Variants in PCNT observed in about 807,000 individuals in gnomAD.
PCNT encodes kendrin.
PCNT carries 319 observed loss-of-function variants against 380.4 expected under a neutral mutation model. The observed-to-expected ratio is 0.84, with a 90% CI of 0.77 to 0.92. The LOEUF (loss-of-function observed/expected upper bound fraction) is 0.92. Among genes scored for constraint, PCNT ranks in the 40% least tolerant of loss-of-function variants. The probability of loss-of-function intolerance (pLI) is 0.00; values close to 1 mark genes in which losing one functional copy is unlikely to be tolerated. For synonymous variants in PCNT, 1,845 were observed against 1,735.2 expected, an observed-to-expected ratio of 1.06 and a Z score of -1.57; for missense variants, 4,400 against 4,255.3, an observed-to-expected ratio of 1.03 and a Z score of -0.95.
chr21:46,438,572 C>T (rs191797548), intron 41 of PCNT, among the ~76,000 whole-genome samples: 201 of 152,302 alleles, frequency 1.3e-3, no homozygotes, highest in Admixed American at 4.0e-3. Flanking sequence ...CTGACCCTGA[C>T]CGCTACTTGA....
At chr21:46,437,874 C>T (rs373306152) in intron 40 of PCNT, among the ~76,000 whole-genome samples, 6 of 152,270 alleles carry the variant, frequency 3.9e-5, no homozygotes, top group East Asian at 3.9e-4. Context: ...GCTTCACATC[C>T]GCCCCCTTGG....
chr21:46,330,734 AATG>A (rs1276724359), intron 2 of PCNT, among the ~76,000 whole-genome samples: 1 of 152,246 alleles, frequency 6.6e-6, no homozygotes, highest in Non-Finnish European at 1.5e-5. Flanking sequence ...TGTTCAAAAT[AATG>A]ATCTTCTGAA....
At position 46,430,550 on chromosome 21, in the gene PCNT, C is replaced by A; in HGVS notation, c.7957C>A (p.Gln2653Lys). ...GGAGAACGAGCTGAAGGCCGCGCTTCAGGAGCTGGAGAGTGAGCAGGGGAA... is the reference window on the plus strand; with the variant it reads ...GGAGAACGAGCTGAAGGCCGCGCTTAAGGAGCTGGAGAGTGAGCAGGGGAA... ...SKENELKAAL[Q>K]ELESEQGKGR... is the part of the protein sequence containing the mutation. The change falls in exon 37 of 47, where the codon CAG becomes AAG. Residue 2653 changes from glutamine (Q) to lysine (K), a missense_variant. By Grantham distance (53) the Gln-to-Lys change is moderately conservative (BLOSUM62 1). Coordinates refer to ENST00000359568, the MANE Select transcript of PCNT (RefSeq NM_006031.6). The A allele has an allele frequency of 6.4e-7, 1 of 1,556,724 alleles. No individual in the cohort carries two copies. The highest frequency in any genetic ancestry group is 8.7e-7 in the Non-Finnish European group (1 of 1,150,582).
rs548751448 is a variant in PCNT, at chr21:46,341,028, C to T, written c.640-5100C>T. On this transcript the variant is annotated intron_variant, in intron 3 of 46. Coordinates refer to ENST00000359568, the MANE Select transcript of PCNT (RefSeq NM_006031.6). ...CCTCCTGAGTAGCTGGAATTACAGA[C>T]GTGTGCCACCATATCCGGCTGATTT... Among the ~76,000 whole-genome samples, 56 of 151,792 alleles carry T rather than the reference C, an allele frequency of 3.7e-4. No homozygotes were observed. The South Asian group carries it at 0.011, about 29-fold the overall frequency.
intron 16 of PCNT, among the ~76,000 whole-genome samples, chr21:46,382,137 A>C (rs531704711): frequency 6.9e-6 from 1 of 145,670 alleles, no homozygotes; most frequent in South Asian, 2.4e-4. Flanking sequence ...GGTGTTGTGC[A>C]TTCAGTGGCG....
Position 46,411,921 on chromosome 21 carries a change from C to T in PCNT, c.5848C>T (p.Arg1950Trp), listed in dbSNP as rs765903758. The T allele has an allele frequency of 8.5e-5, 135 of 1,589,138 alleles. No individual in the cohort carries two copies. Among genetic ancestry groups the T allele is most frequent in the Non-Finnish European group, 1.1e-4 (127 of 1,175,868 alleles). Residue 1950 changes from arginine (R) to tryptophan (W), a missense_variant, in exon 28 of 47, where the codon CGG becomes TGG. Coordinates refer to ENST00000359568, the MANE Select transcript of PCNT (RefSeq NM_006031.6). The part of the protein sequence containing the change: ...FLRCQVELDR[R>W]QARRATAHTR... ...GAGGTGCCAGGTGGAGCTGGACAGG[C>T]GGCAGGCCCGCAGAGCCACAGCTCA...
chr21:46,363,434 C>G lies in PCNT; in HGVS notation c.2155-46C>G, dbSNP rs371073144. On this transcript the variant is annotated intron_variant, in intron 13 of 46. Transcript: ENST00000359568. ...TTTGGGTTGTCTCTTCTAATAATCT[C>G]TTCCATTAGCGTCTTTCCTCCTAAA... The G allele has an allele frequency of 5.0e-4, 747 of 1,493,948 alleles. 1 individual carries two copies. The highest frequency in any genetic ancestry group is 6.4e-4 in the Non-Finnish European group (689 of 1,074,068). The allele number at this position is 1,493,948 out of a possible 1,614,324, so 92.5% of individuals were successfully genotyped here.
intron 19 of PCNT, among the ~76,000 whole-genome samples, chr21:46,389,947 G>A (rs911258612): frequency 6.6e-6 from 1 of 152,174 alleles, no homozygotes; most frequent in African/African-American, 2.4e-5. Flanking sequence ...CCCGGAGTTG[G>A]ACAGAACTTT....
At chr21:46,416,020 C>G in intron 29 of PCNT, 49 bp from the exon 30 acceptor site, 2 of 1,597,468 alleles carry the variant, frequency 1.3e-6, no homozygotes, top group Non-Finnish European at 1.7e-6. Flanking sequence ...AGGTGCGACT[C>G]CTGGTGAGCC....
In PCNT at chr21:46,444,910, G is replaced by C. The variant is rs2073381; in HGVS notation, c.9967+89G>C. ...TCTGTTGAAAGATGGCTGGTATTCA[G>C]CTTAGTAACCAAAGTTTCAGTCTGA... On this transcript the variant is annotated intron_variant, in intron 46 of 46. Coordinates refer to ENST00000359568, the MANE Select transcript of PCNT (RefSeq NM_006031.6). 380,084 of 1,256,284 alleles carry C rather than the reference G, an allele frequency of 0.3. 58,818 individuals carry two copies. Among genetic ancestry groups the C allele is most frequent in the Admixed American group, 0.37 (21,989 of 59,084 alleles). 77.8% of individuals were successfully genotyped at this position (1,256,284 alleles called of 1,614,324 possible). A position where few individuals can be genotyped will look rare whatever the true frequency, so the allele number is the denominator to read the frequency against.
At position 46,353,433 on chromosome 21, in the gene PCNT, C is replaced by G; in HGVS notation, c.1679+107C>G. ...TTTCATGCTAGTAGGCACCAATGGC[C>G]TTTTATACAAACACATTTTATGGTC... is the stretch of plus-strand genomic sequence containing the variant. On this transcript the variant is annotated intron_variant, in intron 10 of 46. Coordinates refer to ENST00000359568, the MANE Select transcript of PCNT (RefSeq NM_006031.6). 3.3e-6 allele frequency: 3 copies of G among 912,462 alleles called. No individual in the cohort carries two copies. In the South Asian group the frequency reaches 4.0e-5, roughly 12 times the overall value. 56.5% of individuals were successfully genotyped at this position (912,462 alleles called of 1,614,324 possible). A position where few individuals can be genotyped will look rare whatever the true frequency, so the allele number is the denominator to read the frequency against.
rs60444527 is a variant in PCNT, at chr21:46,416,302, A to G, written c.6384A>G (p.Thr2128=). 0.091 allele frequency: 146,275 copies of G among 1,613,756 alleles called. 12,077 individuals carry two copies. Among genetic ancestry groups the G allele is most frequent in the African/African-American group, 0.44 (33,212 of 74,852 alleles). ...CTGACATATCACCCCACATAGACAC[A>G]TGTGATGCCAATACAGCCACGGGGG... ...EEPDISPHID[T]CDANTATGGV... The change falls in exon 30 of 47, where the codon ACA becomes ACG. Residue 2128 remains threonine (T), a synonymous_variant. Coordinates refer to ENST00000359568, the MANE Select transcript of PCNT (RefSeq NM_006031.6).
At chr21:46,353,019 C>T in intron 9 of PCNT, 85 bp from the exon 10 acceptor site, 1 of 1,121,292 alleles carries the variant, frequency 8.9e-7, no homozygotes, top group Non-Finnish European at 1.3e-6. Flanking sequence ...CTGCCCCCAC[C>T]ACAGGTAACC....
intron 13 of PCNT, among the ~76,000 whole-genome samples, chr21:46,360,717 A>G (rs996009176): frequency 1.7e-4 from 25 of 148,402 alleles, no homozygotes; most frequent in Non-Finnish European, 3.4e-4. Flanking sequence ...ACGGGGTTTC[A>G]CCATGTTAGC....
intron 12 of PCNT, among the ~76,000 whole-genome samples, chr21:46,356,626 C>G (rs1054293393): frequency 2.0e-5 from 3 of 152,220 alleles, no homozygotes; most frequent in Non-Finnish European, 4.4e-5. Flanking sequence ...ACATGTGTGC[C>G]CACATCTGGT....
intron 31 of PCNT, 100 bp downstream of exon 31, chr21:46,418,406 GC>G: frequency 5.1e-6 from 4 of 786,072 alleles, no homozygotes; most frequent in Non-Finnish European, 8.8e-6. Flanking sequence ...TTCTGCGTCT[GC>G]CCCCCGCTGA....
At chr21:46,444,099 G>A (rs2148132820) in intron 45 of PCNT, 151 bp downstream of exon 45, 1 of 833,826 alleles carries the variant, frequency 1.2e-6, no homozygotes, top group East Asian at 2.7e-5. Context: ...GGGCCAAGAA[G>A]TCCCGCCCTG....
intron 7 of PCNT, 107 bp from the exon 8 acceptor site, chr21:46,349,577 A>T: frequency 8.0e-7 from 1 of 1,246,786 alleles, no homozygotes; most frequent in South Asian, 1.2e-5. Flanking sequence ...GGCGCCCAGG[A>T]TGGGGCTCTG....
rs73907480 is a variant in PCNT at position 46,393,620 on chromosome 21, G to C, written c.4216+2244G>C. 3.5e-3 allele frequency among the ~76,000 whole-genome samples: 527 copies of C among 152,266 alleles called. 4 individuals are homozygous for C. The highest frequency in any genetic ancestry group is 0.012 in the African/African-American group (507 of 41,562). On this transcript the variant is annotated intron_variant, in intron 21 of 46. Coordinates refer to ENST00000359568, the MANE Select transcript of PCNT (RefSeq NM_006031.6). ...CAGTCACTTCGTTTGTCAGGCCTCC[G>C]GGCAGATAAAGGGGTGTGTGGCCTG...
Sources: allele counts gnomAD v4.1 joint callset (sites outside exome capture counted in the v4.1 genomes callset), GRCh38; gene constraint gnomAD v4.1.1; transcripts MANE v1.5; gene names NCBI Gene and HGNC (gene_info 2026-07-23, HGNC 2026-07-21).